MAPK14: variants seen among roughly 807,000 people sequenced by gnomAD.
MAPK14 encodes the protein CSAID-binding protein.
In MAPK14, 16 loss-of-function variants were observed where a neutral mutation model predicts 49.6. That is an observed-to-expected ratio of 0.32 (90% confidence interval 0.22 to 0.49). The LOEUF (loss-of-function observed/expected upper bound fraction) is 0.49, where lower values mean the gene tolerates loss of function less well. MAPK14 is among the 20% of genes least tolerant of loss of function. MAPK14 has a pLI of 0.99. For missense variants in MAPK14, 200 were observed against 441.2 expected (o/e 0.45, Z 4.90); for synonymous variants, 142 against 158.0 (o/e 0.90, Z 0.76).
chr6:36,049,126 G>T (rs1235613641), intron 1 of MAPK14, among the ~76,000 whole-genome samples: 2 of 152,172 alleles, frequency 1.3e-5, no homozygotes, highest in Non-Finnish European at 2.9e-5. Context: ...AAGTGGATTT[G>T]GTAGCAGAGG....
intron 2 of MAPK14, among the ~76,000 whole-genome samples, chr6:36,054,001 G>C: frequency 6.6e-6 from 1 of 151,954 alleles, no homozygotes; most frequent in African/African-American, 2.4e-5. Flanking sequence ...GTGCAAACCA[G>C]AGTTTTAAGA....
At chr6:36,046,946 T>C (rs992536007) in intron 1 of MAPK14, among the ~76,000 whole-genome samples, 2 of 152,174 alleles carry the variant, frequency 1.3e-5, no homozygotes, top group African/African-American at 4.8e-5. Context: ...GAAGAAAGTG[T>C]TCAGCTTGCA....
chr6:36,072,374 A>G (rs1174360668), intron 3 of MAPK14, among the ~76,000 whole-genome samples: 4 of 152,118 alleles, frequency 2.6e-5, no homozygotes, highest in Non-Finnish European at 5.9e-5. Flanking sequence ...AAATGAGGTA[A>G]TGAGGTGCCC....
chr6:36,047,706 T>G (rs1032541940), intron 1 of MAPK14, among the ~76,000 whole-genome samples: 3 of 151,812 alleles, frequency 2.0e-5, no homozygotes, highest in Non-Finnish European at 4.4e-5. Context: ...GCCTCCCAAG[T>G]AGCTGGGCAT....
chr6:36,099,308 A>G (rs905522728), intron 9 of MAPK14, among the ~76,000 whole-genome samples: 14 of 152,380 alleles, frequency 9.2e-5, no homozygotes, highest in Admixed American at 2.0e-4. Context: ...CAGTTCTGAC[A>G]TTTTAGAAGA....
intron 3 of MAPK14, among the ~76,000 whole-genome samples, chr6:36,059,958 G>C (rs1187628749): frequency 6.6e-6 from 1 of 152,114 alleles, no homozygotes; most frequent in East Asian, 1.9e-4. Flanking sequence ...TTTCTATACT[G>C]GGATAAGGGG....
chr6:36,106,615 G>A (rs1765804665), intron 10 of MAPK14, among the ~76,000 whole-genome samples: 1 of 152,124 alleles, frequency 6.6e-6, no homozygotes, highest in Non-Finnish European at 1.5e-5. Flanking sequence ...AGGGTAAAGT[G>A]TCATGTCTAT....
chr6:36,064,370 A>C (rs907056806), intron 3 of MAPK14, among the ~76,000 whole-genome samples: 4 of 149,354 alleles, frequency 2.7e-5, no homozygotes, highest in African/African-American at 9.8e-5. Flanking sequence ...CTCAAATTTC[A>C]TGGAAACTGA....
chr6:36,079,533 A>G (rs556750508), intron 8 of MAPK14, among the ~76,000 whole-genome samples: 1 of 152,288 alleles, frequency 6.6e-6, no homozygotes, highest in African/African-American at 2.4e-5. Flanking sequence ...TAATGTTTTC[A>G]GAAAGTTTAC....
chr6:36,079,834 T>C (rs1337052751), intron 8 of MAPK14, among the ~76,000 whole-genome samples: 4 of 152,294 alleles, frequency 2.6e-5, no homozygotes, highest in Admixed American at 2.0e-4. Context: ...ATGCAGCTAG[T>C]GGTGAGCAGT....
rs1234289387 is a variant in MAPK14, at chr6:36,073,112, GT to G, written c.417+129del. ...CAAACACATAAAATCACAGGTAAAG[GT>G]CATATAGTACAGTAAACTGCCATGT... On this transcript the variant is annotated intron_variant, in intron 4 of 11. Transcript: ENST00000229794. 9 of 686,494 alleles carry G rather than the reference GT, an allele frequency of 1.3e-5. No individual in the cohort carries two copies. The African/African-American group carries it at 1.6e-4, about 12-fold the overall frequency. 42.5% of individuals were successfully genotyped at this position (686,494 alleles called of 1,614,324 possible). A position where few individuals can be genotyped will look rare whatever the true frequency, so the allele number is the denominator to read the frequency against.
chr6:36,084,606 C>T (rs1299446946), intron 8 of MAPK14, among the ~76,000 whole-genome samples: 1 of 152,032 alleles, frequency 6.6e-6, no homozygotes, highest in Non-Finnish European at 1.5e-5. Context: ...AGCTTGAAGA[C>T]TATCTTGCTG....
intron 3 of MAPK14, among the ~76,000 whole-genome samples, chr6:36,071,639 A>G (rs1764277599): frequency 6.6e-6 from 1 of 152,218 alleles, no homozygotes; most frequent in Admixed American, 6.5e-5. Flanking sequence ...TCATTCCTGA[A>G]AAAGAATTAC....
At chr6:36,096,255 A>C in intron 9 of MAPK14, 189 bp downstream of exon 9, 1 of 533,364 alleles carries the variant, frequency 1.9e-6, no homozygotes, top group East Asian at 3.0e-5. Context: ...GCTTGCATGC[A>C]CAAGTGTGTT....
At chr6:36,117,983 A>G in the MAPK14 span, among the ~76,000 whole-genome samples, 3 of 152,226 alleles carry the variant, frequency 2.0e-5, no homozygotes, top group Non-Finnish European at 4.4e-5. Flanking sequence ...CCAAATATGT[A>G]GGGGTTATCT....
chr6:36,032,800 C>G (rs1002455885), intron 1 of MAPK14, among the ~76,000 whole-genome samples: 1 of 152,288 alleles, frequency 6.6e-6, no homozygotes, highest in Non-Finnish European at 1.5e-5. Context: ...TAGCATTGTG[C>G]TGTGCACTTT....
chr6:36,048,692 G>A (rs1380614063), intron 1 of MAPK14, among the ~76,000 whole-genome samples: 2 of 152,196 alleles, frequency 1.3e-5, no homozygotes, highest in Non-Finnish European at 2.9e-5. Context: ...TCTAGCTCGA[G>A]CAACTGGATG....
the MAPK14 span, among the ~76,000 whole-genome samples, chr6:36,122,989 T>C: frequency 6.6e-6 from 1 of 150,666 alleles, no homozygotes; most frequent in South Asian, 2.1e-4. Context: ...GCAGTGGGGG[T>C]CTTGGGGAGA....
chr6:36,092,351 C>T, intron 8 of MAPK14: 3 of 642,934 alleles, frequency 4.7e-6, no homozygotes, highest in South Asian at 2.7e-5. Context: ...TCACCATCTT[C>T]TATGAGTTCC....
Sources: allele counts gnomAD v4.1 joint callset (sites outside exome capture counted in the v4.1 genomes callset), GRCh38; gene constraint gnomAD v4.1.1; transcripts MANE v1.5; gene names NCBI Gene and HGNC (gene_info 2026-07-23, HGNC 2026-07-21).